Variants in UCK2 observed in about 807,000 individuals in gnomAD.
UCK2 encodes the protein uridine-cytidine kinase 2.
UCK2 carries 6 observed loss-of-function variants against 30.8 expected under a neutral mutation model. The observed-to-expected ratio is 0.19, with a 90% confidence interval of 0.11 to 0.38. The LOEUF is 0.38. UCK2 is among the 10% of genes least tolerant of loss of function. The probability of loss-of-function intolerance (pLI) is 1.00; values close to 1 mark genes in which losing one functional copy is unlikely to be tolerated. For synonymous variants in UCK2, 125 were observed against 133.6 expected, an observed-to-expected ratio of 0.94 and a Z score of 0.45; for missense variants, 210 against 339.8, an observed-to-expected ratio of 0.62 and a Z score of 3.00.
chr1:165,879,545 T>TTTTTTATTATTATTA (rs1553199403), intron 1 of UCK2, among the ~76,000 whole-genome samples: 2 of 146,836 alleles, frequency 1.4e-5, no homozygotes, highest in Non-Finnish European at 3.0e-5. Flanking sequence ...ATGTTTGCTT[T>TTTTTTATTATTATTA]TTATTATTAT....
chr1:165,869,082 C>T (rs943773260), intron 1 of UCK2, among the ~76,000 whole-genome samples: 1 of 152,136 alleles, frequency 6.6e-6, no homozygotes, highest in African/African-American at 2.4e-5. Context: ...ATGCCCCAGT[C>T]AGTGGAACAG....
intron 1 of UCK2, among the ~76,000 whole-genome samples, chr1:165,872,129 C>T (rs1375375016): frequency 6.6e-6 from 1 of 151,792 alleles, no homozygotes; most frequent in African/African-American, 2.4e-5. Flanking sequence ...GGCTGGAGTA[C>T]AGTGGTGCAA....
At position 165,827,866 on chromosome 1, in the gene UCK2, C is replaced by T; in HGVS notation, c.33C>T (p.Asn11=). The T allele has an allele frequency of 6.8e-7, 1 of 1,480,834 alleles. No individual in the cohort carries two copies. Among genetic ancestry groups the T allele is most frequent in the Non-Finnish European group, 9.0e-7 (1 of 1,108,956 alleles). 91.7% of individuals were successfully genotyped at this position (1,480,834 alleles called of 1,614,324 possible). ...GGGACAGCGAGCAGACCCTGCAGAA[C>T]CACCAGCAGCCCAACGGCGGCGAGC... MAGDSEQTLQ[N]HQQPNGGEPF... Residue 11 remains asparagine (N), a synonymous_variant, in exon 1 of 7, where the codon AAC becomes AAT. Coordinates refer to ENST00000367879, the MANE Select transcript of UCK2 (RefSeq NM_012474.5).
chr1:165,854,729 C>A (rs1654684911), intron 1 of UCK2, among the ~76,000 whole-genome samples: 1 of 151,938 alleles, frequency 6.6e-6, no homozygotes, highest in Non-Finnish European at 1.5e-5. Flanking sequence ...TTGTTCAGTC[C>A]TTTACGCTGA....
intron 5 of UCK2, among the ~76,000 whole-genome samples, chr1:165,905,072 A>G (rs1437934624): frequency 6.6e-6 from 1 of 152,212 alleles, no homozygotes; most frequent in Non-Finnish European, 1.5e-5. Context: ...AGTCCCCTGG[A>G]AAGTTTGGGT....
At chr1:165,848,478 A>G (rs1027233958) in intron 1 of UCK2, among the ~76,000 whole-genome samples, 75 of 152,152 alleles carry the variant, frequency 4.9e-4, no homozygotes, top group African/African-American at 1.8e-3. Flanking sequence ...CAAAAAATAC[A>G]AAAATTAGCC....
chr1:165,894,041 C>T (rs2101883447), intron 3 of UCK2: 1 of 152,206 alleles, frequency 6.6e-6, no homozygotes, highest in East Asian at 1.9e-4. Flanking sequence ...AGGAAATGCT[C>T]ATTGGAGCAT....
intron 5 of UCK2, chr1:165,903,905 A>AGGGACG (rs1314908161): frequency 6.5e-6 from 1 of 152,928 alleles, no homozygotes; most frequent in Non-Finnish European, 1.5e-5. Flanking sequence ...CAGGAAAGAC[A>AGGGACG]GGAAGGGGCA....
At chr1:165,842,099 C>T (rs780431615) in intron 1 of UCK2, among the ~76,000 whole-genome samples, 8 of 152,200 alleles carry the variant, frequency 5.3e-5, no homozygotes, top group Non-Finnish European at 5.9e-5. Flanking sequence ...TTCTGTAACA[C>T]TTGACAGTGC....
intron 1 of UCK2, among the ~76,000 whole-genome samples, chr1:165,852,518 C>T (rs1365195524): frequency 6.6e-6 from 1 of 152,178 alleles, no homozygotes; most frequent in Non-Finnish European, 1.5e-5. Flanking sequence ...CAATGAGATA[C>T]CACCACACGC....
Position 165,827,909 on chromosome 1 carries a change from A to G in UCK2, c.76A>G (p.Ser26Gly). Residue 26 changes from serine to glycine, a missense_variant, in exon 1 of 7, where the codon AGC (serine) becomes GGC (glycine). Ser to Gly is a moderately conservative substitution (Grantham distance 56, BLOSUM62 0). Transcript: ENST00000367879. ...CGGCGAGCCCTTCCTTATAGGCGTC[A>G]GCGGGGGAACAGCTAGCGGCAAGGT... ...NGGEPFLIGV[S>G]GGTASGKSSV... 1 of 1,457,142 alleles carries G rather than the reference A, an allele frequency of 6.9e-7. No homozygotes were observed. The highest frequency in any genetic ancestry group is 1.5e-5 in the South Asian group (1 of 68,906). 90.3% of individuals were successfully genotyped at this position (1,457,142 alleles called of 1,614,324 possible). A position where few individuals can be genotyped will look rare whatever the true frequency, so the allele number is the denominator to read the frequency against.
intron 1 of UCK2, among the ~76,000 whole-genome samples, chr1:165,847,745 C>T (rs548668449): frequency 5.9e-5 from 9 of 152,234 alleles, no homozygotes; most frequent in African/African-American, 2.2e-4. Context: ...TTCAGAGTAG[C>T]TAGGGCTACA....
intron 1 of UCK2, among the ~76,000 whole-genome samples, chr1:165,850,616 ATTTTT>A (rs3077616): frequency 3.4e-5 from 4 of 116,778 alleles, no homozygotes; most frequent in Admixed American, 8.9e-5. Flanking sequence ...TAATTTTTAA[ATTTTT>A]TTTTTTTTTT....
intron 4 of UCK2, among the ~76,000 whole-genome samples, chr1:165,896,985 G>A (rs756236188): frequency 1.6e-4 from 24 of 152,202 alleles, no homozygotes; most frequent in Admixed American, 5.9e-4. Context: ...CAGAGAGTTC[G>A]CTTCCACCAG....
chr1:165,894,086 T>G (rs541958919), intron 3 of UCK2: 4 of 152,282 alleles, frequency 2.6e-5, no homozygotes, highest in African/African-American at 7.2e-5. Context: ...GGGAGGCTCA[T>G]TGTAGATCCT....
chr1:165,881,182 T>TAAAAAAAAA (rs56886913), intron 1 of UCK2, among the ~76,000 whole-genome samples: 3 of 92,846 alleles, frequency 3.2e-5, no homozygotes, highest in African/African-American at 8.5e-5. Flanking sequence ...CAATAAAACT[T>TAAAAAAAAA]AAAAAAAAAA....
intron 1 of UCK2, among the ~76,000 whole-genome samples, chr1:165,855,169 A>G (rs570811684): frequency 5.9e-5 from 9 of 152,362 alleles, no homozygotes; most frequent in African/African-American, 1.7e-4. Context: ...TGCTTATAAA[A>G]TAAATGAAAA....
chr1:165,906,689 T>C (rs1647673861), intron 6 of UCK2, among the ~76,000 whole-genome samples: 1 of 152,252 alleles, frequency 6.6e-6, no homozygotes, highest in Admixed American at 6.5e-5. Flanking sequence ...TTTATTTTTT[T>C]GGCCTGTCTA....
At chr1:165,844,864 T>A (rs73029460) in intron 1 of UCK2, among the ~76,000 whole-genome samples, 4 of 152,258 alleles carry the variant, frequency 2.6e-5, no homozygotes, top group African/African-American at 9.6e-5. Context: ...CTTTGCACCC[T>A]TCCCACATGC....
Sources: allele counts gnomAD v4.1 joint callset (sites outside exome capture counted in the v4.1 genomes callset), GRCh38; gene constraint gnomAD v4.1.1; transcripts MANE v1.5; gene names NCBI Gene and HGNC (gene_info 2026-07-23, HGNC 2026-07-21).